KDM1B: variants seen among roughly 807,000 people sequenced by gnomAD.
The protein encoded by KDM1B is lysine-specific histone demethylase 2.
KDM1B carries 63 observed loss-of-function variants against 107.4 expected under a neutral mutation model. The ratio of observed to expected loss-of-function variants is 0.59; its 90% CI spans 0.48 to 0.72. The LOEUF (loss-of-function observed/expected upper bound fraction) is 0.72, where lower values mean the gene tolerates loss of function less well. KDM1B is among the 30% of genes least tolerant of loss of function. The pLI is 0.00. For synonymous variants in KDM1B, 363 were observed against 363.9 expected (o/e 1.00, Z 0.03); for missense variants, 749 against 1,020.8 (o/e 0.73, Z 3.63).
At position 18,158,956 on chromosome 6, in the gene KDM1B, G is replaced by A. The variant is rs187270042; in HGVS notation, c.-13-927G>A. Among the ~76,000 whole-genome samples, 28 of 152,224 alleles carry A rather than the reference G, an allele frequency of 1.8e-4. 1 individual carries two copies. Among genetic ancestry groups the A allele is most frequent in the Admixed American group, 1.8e-3 (28 of 15,272 alleles). Reference sequence around the variant, plus strand: ...TTTATTTGTTGAGTTGTACTGAAAAGGAATGAATGAGTTTTCTTTTATTTT... The same window carrying A: ...TTTATTTGTTGAGTTGTACTGAAAAAGAATGAATGAGTTTTCTTTTATTTT... On this transcript the variant is annotated intron_variant, in intron 2 of 21. Transcript: ENST00000650836.
intron 17 of KDM1B, among the ~76,000 whole-genome samples, chr6:18,210,549 C>G (rs144401293): frequency 1.0e-3 from 151 of 151,280 alleles, no homozygotes; most frequent in South Asian, 2.1e-3. Flanking sequence ...TTTGTAGAGA[C>G]AGTGTTTCCC....
At position 18,203,450 on chromosome 6, in the gene KDM1B, T is replaced by G. The variant is rs1788172522; in HGVS notation, c.1531+1793T>G. 6.6e-6 allele frequency among the ~76,000 whole-genome samples: 1 copy of G among 152,224 alleles called. No individual in the cohort carries two copies. The highest frequency in any genetic ancestry group is 6.5e-5 in the Admixed American group (1 of 15,286). On this transcript the variant is annotated intron_variant, in intron 14 of 21. Coordinates refer to ENST00000650836, the MANE Select transcript of KDM1B (RefSeq NM_001364614.2). This position sits in a 1 kb window ranked among gnomAD's most constrained non-coding sequence, Gnocchi z 5.5. Reference sequence around the variant, plus strand: ...CTGTTGGTATCTTAGCTGTCTGAGATCTCATCTTACCAGCACAAAGCTGGG... The same window carrying G: ...CTGTTGGTATCTTAGCTGTCTGAGAGCTCATCTTACCAGCACAAAGCTGGG...
intron 5 of KDM1B, among the ~76,000 whole-genome samples, chr6:18,164,108 C>T (rs1171155458): frequency 6.6e-6 from 1 of 151,902 alleles, no homozygotes; most frequent in Non-Finnish European, 1.5e-5. Context: ...TTTTTCCTTT[C>T]AGTTCTATAT....
At position 18,191,623 on chromosome 6, in the gene KDM1B, C is replaced by T. The variant is rs1202718810; in HGVS notation, c.969+242C>T. On this transcript the variant is annotated intron_variant, in intron 10 of 21. Coordinates refer to ENST00000650836, the MANE Select transcript of KDM1B (RefSeq NM_001364614.2). The surrounding 1 kb of genome is among the most constrained non-coding windows in gnomAD (Gnocchi z 5.1). ...GCTTCCCACCTGTGAAAACCAAATA[C>T]GTCTATAGACATTTCCAAATGGGGA... Among the ~76,000 whole-genome samples, 3 of 152,138 alleles carry T rather than the reference C, an allele frequency of 2.0e-5. No individual in the cohort carries two copies. Among genetic ancestry groups the T allele is most frequent in the Non-Finnish European group, 4.4e-5 (3 of 68,022 alleles).
Position 18,191,144 on chromosome 6 carries a change from C to A in KDM1B, c.785-53C>A. On this transcript the variant is annotated intron_variant, in intron 9 of 21. Transcript: ENST00000650836. This position sits in a 1 kb window ranked among gnomAD's most constrained non-coding sequence, Gnocchi z 5.1. Reference sequence around the variant, plus strand: ...GGTTTGCTTTTGCCCTTTAATTCTTCTGGATTTGGAAGTTACAGCTTGTAG... The same window carrying A: ...GGTTTGCTTTTGCCCTTTAATTCTTATGGATTTGGAAGTTACAGCTTGTAG... The A allele has an allele frequency of 6.6e-7, 1 of 1,503,768 alleles. No individual in the cohort carries two copies. The highest frequency in any genetic ancestry group is 1.2e-5 in the South Asian group (1 of 80,508). The allele number at this position is 1,503,768 out of a possible 1,614,324, so 93.2% of individuals were successfully genotyped here.
intron 20 of KDM1B, among the ~76,000 whole-genome samples, chr6:18,215,767 A>G (rs1196175167): frequency 2.7e-5 from 4 of 148,114 alleles, no homozygotes; most frequent in Non-Finnish European, 5.9e-5. Flanking sequence ...GTAAGGATAT[A>G]AAAGGCTCGG....
chr6:18,182,627 C>T (rs1786554833), intron 7 of KDM1B, among the ~76,000 whole-genome samples: 1 of 152,068 alleles, frequency 6.6e-6, no homozygotes, highest in Non-Finnish European at 1.5e-5. Flanking sequence ...CAGCCTCAAA[C>T]TCCTGAGTTC....
intron 3 of KDM1B, among the ~76,000 whole-genome samples, chr6:18,160,803 AC>A (rs1346266890): frequency 5.8e-5 from 8 of 137,894 alleles, no homozygotes; most frequent in Non-Finnish European, 3.1e-5. Context: ...TTGGGGAATG[AC>A]TTTTTTTTTT....
chr6:18,182,491 A>G (rs2150888257), intron 7 of KDM1B, among the ~76,000 whole-genome samples: 1 of 152,168 alleles, frequency 6.6e-6, no homozygotes, highest in Admixed American at 6.5e-5. Flanking sequence ...GTCTTAAAAG[A>G]TGTGTCCATG....
Position 18,212,739 on chromosome 6 carries a change from T to C in KDM1B, c.1983+135T>C, listed in dbSNP as rs953469671. ...AAGGATTTCCTTTTCATTTGAGTAA[T>C]TGTTCGTGAAGAACACAGAAGAATA... On this transcript the variant is annotated intron_variant, in intron 18 of 21. Coordinates refer to ENST00000650836, the MANE Select transcript of KDM1B (RefSeq NM_001364614.2). This position sits in a 1 kb window ranked among gnomAD's most constrained non-coding sequence, Gnocchi z 5.2. 2.3e-5 allele frequency: 16 copies of C among 695,232 alleles called. 1 individual carries two copies. The highest frequency in any genetic ancestry group is 1.9e-4 in the Admixed American group (9 of 46,716). 43.1% of individuals were successfully genotyped at this position (695,232 alleles called of 1,614,324 possible). A position where few individuals can be genotyped will look rare whatever the true frequency, so the allele number is the denominator to read the frequency against.
chr6:18,170,486 AT>A (rs981701304), intron 6 of KDM1B, among the ~76,000 whole-genome samples: 81 of 144,986 alleles, frequency 5.6e-4, no homozygotes, highest in South Asian at 6.6e-4. Context: ...TTTTACGCTG[AT>A]TTTTTTTTTT....
intron 9 of KDM1B, among the ~76,000 whole-genome samples, chr6:18,189,885 C>T (rs1294382593): frequency 6.6e-6 from 1 of 152,008 alleles, no homozygotes. Context: ...GTGGCTCACA[C>T]CTGTAATCCC....
chr6:18,179,850 C>CTTT (rs67156330), intron 7 of KDM1B, among the ~76,000 whole-genome samples: 4 of 9,646 alleles, frequency 4.1e-4, no homozygotes, highest in African/African-American at 6.6e-4. Flanking sequence ...GTTTTTTTTC[C>CTTT]TTTTTTTTTT....
intron 7 of KDM1B, 98 bp from the exon 8 acceptor site, chr6:18,185,673 GC>G: frequency 9.3e-7 from 1 of 1,080,964 alleles, no homozygotes; most frequent in Admixed American, 1.7e-5. Context: ...TTCTTTGCCA[GC>G]CTGATAGGTG....
rs1341677277 is a variant in KDM1B at position 18,209,732 on chromosome 6, C to T, written c.1866+1526C>T. On this transcript the variant is annotated intron_variant, in intron 17 of 21. Coordinates refer to ENST00000650836, the MANE Select transcript of KDM1B (RefSeq NM_001364614.2). This position sits in a 1 kb window ranked among gnomAD's most constrained non-coding sequence, Gnocchi z 4.3. ...GGGATCCTCTCACCTGAGCCTCCCTCGAGTAGCTGGGATTACAGGCATGCA... is the reference window on the plus strand; with the variant it reads ...GGGATCCTCTCACCTGAGCCTCCCTTGAGTAGCTGGGATTACAGGCATGCA... 5.9e-5 allele frequency among the ~76,000 whole-genome samples: 9 copies of T among 152,192 alleles called. No homozygotes were observed. The highest frequency in any genetic ancestry group is 4.1e-4 in the South Asian group (2 of 4,824).
rs777527518 is a variant in KDM1B at position 18,162,465 on chromosome 6, C to T, written c.216-370C>T. Among the ~76,000 whole-genome samples the T allele has an allele frequency of 6.6e-6, 1 of 152,210 alleles. No homozygotes were observed. The highest frequency in any genetic ancestry group is 2.4e-5 in the African/African-American group (1 of 41,456). On this transcript the variant is annotated intron_variant, in intron 4 of 21. Transcript: ENST00000650836. The surrounding 1 kb of genome is among the most constrained non-coding windows in gnomAD (Gnocchi z 4.1). Reference sequence around the variant, plus strand: ...TGCCTGCTTGATGTTCAGATTTCAGCTGACCAGATTCCCTCGCTGTTCAGT... The same window carrying T: ...TGCCTGCTTGATGTTCAGATTTCAGTTGACCAGATTCCCTCGCTGTTCAGT...
At chr6:18,210,072 T>C (rs1332306461) in intron 17 of KDM1B, among the ~76,000 whole-genome samples, 1 of 152,160 alleles carries the variant, frequency 6.6e-6, no homozygotes, top group East Asian at 1.9e-4. Context: ...CTGGAGAAAT[T>C]AGGGCACAGC....
chr6:18,206,374 G>GTGGCTTAGT, intron 15 of KDM1B, among the ~76,000 whole-genome samples: 1 of 151,804 alleles, frequency 6.6e-6, no homozygotes, highest in Non-Finnish European at 1.5e-5. Flanking sequence ...AAAATTAGCT[G>GTGGCTTAGT]GGCTTAGTGG....
chr6:18,173,812 G>A (rs1247421771), intron 7 of KDM1B, among the ~76,000 whole-genome samples: 1 of 152,038 alleles, frequency 6.6e-6, no homozygotes, highest in Non-Finnish European at 1.5e-5. Flanking sequence ...TTTAGATGGA[G>A]TCTTGCTCTG....
Sources: allele counts gnomAD v4.1 joint callset (sites outside exome capture counted in the v4.1 genomes callset), GRCh38; gene constraint gnomAD v4.1.1; non-coding constraint Gnocchi (gnomAD v3.1); transcripts MANE v1.5; gene names NCBI Gene and HGNC (gene_info 2026-07-23, HGNC 2026-07-21).